Variants in AQP7 observed in about 807,000 individuals in gnomAD.
AQP7 encodes aquaporin-7.
In AQP7, 22 loss-of-function variants were observed where a neutral mutation model predicts 26.1. The ratio of observed to expected loss-of-function variants is 0.84; its 90% CI spans 0.60 to 1.20. The LOEUF is 1.20. AQP7 is among the 50% of genes most tolerant of loss of function. AQP7 has a pLI of 0.00. For missense variants in AQP7, 412 were observed against 457.5 expected, an observed-to-expected ratio of 0.90 and a Z score of 0.91; for synonymous variants, 167 against 181.7, an observed-to-expected ratio of 0.92 and a Z score of 0.65.
rs567459883 is a variant in AQP7 at position 33,396,121 on chromosome 9, C to T, written c.27-926G>A. ...TAGGACTGGAGTTTGGGGAAGGTGG[C>T]GGGGTGGGCCTGGAGGATAAAGAGG... On this transcript the variant is annotated intron_variant, in intron 2 of 7. Coordinates refer to ENST00000297988, the MANE Select transcript of AQP7 (RefSeq NM_001170.3). 1.5e-3 allele frequency among the ~76,000 whole-genome samples: 226 copies of T among 151,996 alleles called. 1 individual carries two copies. Among genetic ancestry groups the T allele is most frequent in the African/African-American group, 5.1e-3 (211 of 41,470 alleles).
Position 33,384,018 on chromosome 9 carries a change from A to C in AQP7, c.*987T>G, listed in dbSNP as rs966442559. On this transcript the variant is annotated 3_prime_UTR_variant, in exon 8 of 8. Coordinates refer to ENST00000297988, the MANE Select transcript of AQP7 (RefSeq NM_001170.3). The stretch of plus-strand genomic sequence containing the variant: ...CAGTGTCCAGGCAGGGCCTGCACAC[A>C]GTAGATGCACAATAATTATTGAAAG... 2 of 152,298 alleles carry C rather than the reference A, an allele frequency of 1.3e-5. No homozygotes were observed. The highest frequency in any genetic ancestry group is 2.9e-5 in the Non-Finnish European group (2 of 68,082). The allele number at this position is 152,298 out of a possible 1,614,324, so 9.4% of individuals were successfully genotyped here.
intron 3 of AQP7, among the ~76,000 whole-genome samples, chr9:33,390,211 T>C (rs1587112906): frequency 6.6e-6 from 1 of 151,972 alleles, no homozygotes; most frequent in African/African-American, 2.4e-5. Context: ...AGTATATTTA[T>C]AGGCTGAGAG....
rs549555350 is a variant in AQP7, at chr9:33,389,759, G to A, written c.145-2667C>T. 5.3e-5 allele frequency among the ~76,000 whole-genome samples: 8 copies of A among 152,230 alleles called. No homozygotes were observed. The East Asian group carries it at 5.8e-4, about 11-fold the overall frequency. On this transcript the variant is annotated intron_variant, in intron 3 of 7. Coordinates refer to ENST00000297988, the MANE Select transcript of AQP7 (RefSeq NM_001170.3). The stretch of plus-strand genomic sequence containing the variant: ...ACAGGGTAAGAAGGCAGACCAGGCC[G>A]GATGCGGTGGCTCATGCCTGTAATC...
At position 33,401,229 on chromosome 9, in the gene AQP7, G is replaced by A; in HGVS notation, c.26+8C>T. ...GGCTGGAGGGTGAGAAGAGGGTGGG[G>A]TACTTACCGCCTGTGCCCGGATGCT... On this transcript the variant is annotated splice_region_variant and intron_variant, in intron 2 of 7. Transcript: ENST00000297988. 3.2e-6 allele frequency: 5 copies of A among 1,548,542 alleles called. No individual in the cohort carries two copies. Among genetic ancestry groups the A allele is most frequent in the Non-Finnish European group, 4.4e-6 (5 of 1,146,038 alleles).
chr9:33,399,946 C>T (rs540152292), intron 2 of AQP7, among the ~76,000 whole-genome samples: 1 of 152,104 alleles, frequency 6.6e-6, no homozygotes, highest in Non-Finnish European at 1.5e-5. Flanking sequence ...AAGGACATGA[C>T]CTTGACTTCT....
rs187500142 is a variant in AQP7, at chr9:33,387,374, C to A, written c.145-282G>T. Among the ~76,000 whole-genome samples the A allele has an allele frequency of 8.9e-4, 136 of 152,210 alleles. 4 individuals are homozygous for A. The East Asian group carries it at 0.017, about 19-fold the overall frequency. ...TCCAAGCACCTCAGCCCCAGGCCCA[C>A]CTGAAGTTTTGGGGTGAGGCAGGGC... On this transcript the variant is annotated intron_variant, in intron 3 of 7. Coordinates refer to ENST00000297988, the MANE Select transcript of AQP7 (RefSeq NM_001170.3).
intron 3 of AQP7, among the ~76,000 whole-genome samples, chr9:33,392,262 T>G (rs1825475369): frequency 6.7e-6 from 1 of 149,940 alleles, no homozygotes; most frequent in Non-Finnish European, 1.5e-5. Flanking sequence ...TGCAGTGAGC[T>G]GAGATCGCGC....
At chr9:33,392,908 T>C (rs1294719247) in intron 3 of AQP7, among the ~76,000 whole-genome samples, 1 of 152,148 alleles carries the variant, frequency 6.6e-6, no homozygotes. Flanking sequence ...AGTTTGATGT[T>C]AGTGCTCCTG....
intron 2 of AQP7, among the ~76,000 whole-genome samples, chr9:33,398,664 C>A (rs1400200585): frequency 6.6e-6 from 1 of 152,176 alleles, no homozygotes; most frequent in Non-Finnish European, 1.5e-5. Flanking sequence ...CAAGGAGGCC[C>A]TTTCTGGGCA....
chr9:33,398,658 G>C (rs959290651), intron 2 of AQP7, among the ~76,000 whole-genome samples: 1 of 152,192 alleles, frequency 6.6e-6, no homozygotes, highest in Non-Finnish European at 1.5e-5. Flanking sequence ...AATGGACAAG[G>C]AGGCCCTTTC....
Position 33,386,419 on chromosome 9 carries a change from A to C in AQP7, c.391T>G (p.Tyr131Asp), listed in dbSNP as rs1033231484. The change falls in exon 5 of 8, where the codon TAC (tyrosine) becomes GAC (aspartate). Residue 131 changes from tyrosine to aspartate, a missense_variant. By Grantham distance (160) the Tyr-to-Asp change is radical (BLOSUM62 -3). Transcript: ENST00000297988. ...LGSFLAAATIYSLFYTAILHF... is the reference protein window; with the variant it reads ...LGSFLAAATIDSLFYTAILHF... ...GGATACTCACTGTAGAAGAGACTGT[A>C]GATGGTGGCAGCCGCCAGGAAGGAG... is the stretch of plus-strand genomic sequence containing the variant. 1.9e-6 allele frequency: 3 copies of C among 1,610,716 alleles called. No homozygotes were observed. In the African/African-American group the frequency reaches 4.0e-5, roughly 21 times the overall value.
Position 33,385,135 on chromosome 9 carries a change from A to G in AQP7, c.899T>C (p.Val300Ala), listed in dbSNP as rs1432944647. The G allele has an allele frequency of 1.6e-5, 26 of 1,611,792 alleles. No individual in the cohort carries two copies. Among genetic ancestry groups the G allele is most frequent in the Non-Finnish European group, 2.1e-5 (25 of 1,179,832 alleles). ...SVAYEDHGIT[V>A]LPKMGSHEPT... ...TTCATGAGATCCCATCTTGGGCAAT[A>G]CGGTTATCCCGTGGTCTTCATACGC... Residue 300 changes from valine to alanine, a missense_variant, in exon 8 of 8, where the codon GTA becomes GCA. By Grantham distance (64) the Val-to-Ala change is moderately conservative. Coordinates refer to ENST00000297988, the MANE Select transcript of AQP7 (RefSeq NM_001170.3).
intron 1 of AQP7, among the ~76,000 whole-genome samples, chr9:33,402,121 G>A (rs763011383): frequency 1.3e-5 from 2 of 152,154 alleles, no homozygotes; most frequent in South Asian, 2.1e-4. Flanking sequence ...CTGCTCTACC[G>A]CTGGTCCTCC....
At position 33,395,165 on chromosome 9, in the gene AQP7, C is replaced by G. The variant is rs1477831537; in HGVS notation, c.57G>C (p.Trp19Cys). The G allele has an allele frequency of 2.5e-5, 41 of 1,613,868 alleles. No individual in the cohort carries two copies. The highest frequency in any genetic ancestry group is 3.2e-5 in the Non-Finnish European group (38 of 1,179,862). Reference sequence around the variant, plus strand: ...TTTCCTGGATCTTTGCTATCACGGACCAGGAGACCATTTTGGAGCCACGGG... The same window carrying G: ...TTTCCTGGATCTTTGCTATCACGGAGCAGGAGACCATTTTGGAGCCACGGG... ...RSTRGSKMVSWSVIAKIQEIL... is the reference protein window; with the variant it reads ...RSTRGSKMVSCSVIAKIQEIL... The change falls in exon 3 of 8, where the codon TGG becomes TGC. Residue 19 changes from tryptophan to cysteine, a missense_variant. Trp to Cys is a radical substitution (Grantham distance 215, BLOSUM62 -2). Coordinates refer to ENST00000297988, the MANE Select transcript of AQP7 (RefSeq NM_001170.3).
rs1354514467 is a variant in AQP7 at position 33,387,053 on chromosome 9, T to A, written c.184A>T (p.Lys62Ter). 1.2e-6 allele frequency: 2 copies of A among 1,611,986 alleles called. No individual in the cohort carries two copies. Among genetic ancestry groups the A allele is most frequent in the African/African-American group, 1.3e-5 (1 of 74,974 alleles). Residue 62 changes from lysine (K) to a stop codon, truncating the protein, a stop_gained, in exon 4 of 8, where the codon AAA (lysine) becomes TAA (stop). Transcript: ENST00000297988. LOFTEE classifies it high-confidence loss of function. The stretch of plus-strand genomic sequence containing the variant: ...ACACCAAGGTAGCTCCCATATTTTT[T>A]ATTTAGAACCATATGGGCCACGGAA... ...LGSVAHMVLNKKYGSYLGVNL... is the reference protein window; with the variant it reads ...LGSVAHMVLN
In AQP7 at chr9:33,385,162, A is replaced by G. The variant is rs1824621965; in HGVS notation, c.872T>C (p.Val291Ala). The G allele has an allele frequency of 1.9e-6, 3 of 1,611,938 alleles. No homozygotes were observed. Among genetic ancestry groups the G allele is most frequent in the Non-Finnish European group, 2.5e-6 (3 of 1,179,824 alleles). ...GGTTATCCCGTGGTCTTCATACGCC[A>G]CAGAATCCTCCAATTTCAGGGGCTC... ...PREPLKLEDS[V>A]AYEDHGITVL... Residue 291 changes from valine (V) to alanine (A), a missense_variant, in exon 8 of 8, where the codon GTG becomes GCG. Val to Ala is a moderately conservative substitution (Grantham distance 64). Transcript: ENST00000297988.
intron 3 of AQP7, among the ~76,000 whole-genome samples, chr9:33,393,193 A>G (rs1379727040): frequency 6.6e-6 from 1 of 152,160 alleles, no homozygotes; most frequent in East Asian, 1.9e-4. Flanking sequence ...ACACCACTGC[A>G]CTCCATCCTA....
chr9:33,401,255 T>C lies in AQP7; in HGVS notation c.8A>G (p.Gln3Arg). The change falls in exon 2 of 8, where the codon CAA (glutamine) becomes CGA (arginine). Residue 3 changes from glutamine (Q) to arginine (R), a missense_variant. By Grantham distance (43) the Gln-to-Arg change is conservative. Coordinates refer to ENST00000297988, the MANE Select transcript of AQP7 (RefSeq NM_001170.3). ...TACTTACCGCCTGTGCCCGGATGCT[T>C]GAACCATGTTTTGTCTTTCAGATTT... is the stretch of plus-strand genomic sequence containing the variant. MV[Q>R]ASGHRRSTRG... The C allele has an allele frequency of 6.5e-7, 1 of 1,549,268 alleles. No individual in the cohort carries two copies. The highest frequency in any genetic ancestry group is 1.4e-5 in the African/African-American group (1 of 73,020).
chr9:33,385,634 G>T lies in AQP7; in HGVS notation c.743+15C>A. 6.2e-7 allele frequency: 1 copy of T among 1,612,836 alleles called. No individual in the cohort carries two copies. The highest frequency in any genetic ancestry group is 8.5e-7 in the Non-Finnish European group (1 of 1,179,808). On this transcript the variant is annotated intron_variant, in intron 7 of 7. Coordinates refer to ENST00000297988, the MANE Select transcript of AQP7 (RefSeq NM_001170.3). ...CAGAAAAACTCAAAGGAATGGGCCT[G>T]GGCAGGGGCAGTACCTGAAGACCTG...
Sources: gnomAD v4.1 joint callset for allele counts (sites outside exome capture counted in the v4.1 genomes callset) on GRCh38, gnomAD v4.1.1 for gene constraint, MANE v1.5 for transcripts, NCBI Gene and HGNC (gene_info 2026-07-23, HGNC 2026-07-21) for gene names.